DLG1: variants seen among roughly 807,000 people sequenced by gnomAD.
DLG1 encodes discs large MAGUK scaffold protein 1.
DLG1 carries 42 observed loss-of-function variants against 123.4 expected under a neutral mutation model. The observed-to-expected ratio is 0.34, with a 90% CI of 0.27 to 0.44. The LOEUF is 0.44. DLG1 is among the 20% of genes least tolerant of loss of function. DLG1 has a pLI of 1.00. For missense variants in DLG1, 942 were observed against 1,082.6 expected (o/e 0.87, Z 1.82); for synonymous variants, 317 against 356.2 (o/e 0.89, Z 1.24).
chr3:197,296,782 T>G, intron 2 of DLG1: 1 of 328,788 alleles, frequency 3.0e-6, no homozygotes, highest in Non-Finnish European at 5.4e-6. Flanking sequence ...CAGTTTCAGA[T>G]TACCTGATAA....
In DLG1 at chr3:197,044,594, G is replaced by A. The variant is rs1341723300; in HGVS notation, c.*29C>T. 2 of 1,496,128 alleles carry A rather than the reference G, an allele frequency of 1.3e-6. No individual in the cohort carries two copies. Among genetic ancestry groups the A allele is most frequent in the Non-Finnish European group, 1.9e-6 (2 of 1,078,710 alleles). The allele number at this position is 1,496,128 out of a possible 1,614,324, so 92.7% of individuals were successfully genotyped here. A position where few individuals can be genotyped will look rare whatever the true frequency, so the allele number is the denominator to read the frequency against. On this transcript the variant is annotated 3_prime_UTR_variant, in exon 25 of 25. Coordinates refer to ENST00000667157, the MANE Select transcript of DLG1 (RefSeq NM_001366207.1). ...GAGATGCCAAAGAAAATGGAATTGTGGAAAAGAGAAACAGAGAAACATGAG... is the reference window on the plus strand; with the variant it reads ...GAGATGCCAAAGAAAATGGAATTGTAGAAAAGAGAAACAGAGAAACATGAG...
At chr3:197,177,376 A>G (rs1807689247) in intron 5 of DLG1, among the ~76,000 whole-genome samples, 1 of 152,180 alleles carries the variant, frequency 6.6e-6, no homozygotes, top group South Asian at 2.1e-4. Flanking sequence ...GTTTAAGAAG[A>G]TTGTCTACCT....
intron 5 of DLG1, among the ~76,000 whole-genome samples, chr3:197,189,978 A>C (rs1718394854): frequency 6.6e-6 from 1 of 152,220 alleles, no homozygotes; most frequent in Non-Finnish European, 1.5e-5. Flanking sequence ...CCTCTATAAA[A>C]TATTTCTTTA....
chr3:197,076,284 G>C (rs954020308), intron 18 of DLG1, among the ~76,000 whole-genome samples: 2 of 152,108 alleles, frequency 1.3e-5, no homozygotes, highest in Non-Finnish European at 2.9e-5. Context: ...AATATTCTTT[G>C]AATGTATGAA....
At chr3:197,208,255 C>T (rs1325203743) in intron 4 of DLG1, among the ~76,000 whole-genome samples, 4 of 146,612 alleles carry the variant, frequency 2.7e-5, no homozygotes, top group African/African-American at 9.7e-5. Context: ...TGATAACATA[C>T]TATATACTGA....
chr3:197,248,151 C>T (rs1463874765), intron 4 of DLG1, among the ~76,000 whole-genome samples: 1 of 152,202 alleles, frequency 6.6e-6, no homozygotes, highest in Non-Finnish European at 1.5e-5. Context: ...TACTTTACCA[C>T]CCCTGCGGCT....
Position 197,196,837 on chromosome 3 carries a change from CTATG to C in DLG1, c.319-2252_319-2249del, listed in dbSNP as rs562482680. On this transcript the variant is annotated intron_variant, in intron 4 of 24. Transcript: ENST00000667157. ...CATGACATGTATTTTCTACATAAAA[CTATG>C]TATGTACATAAATATATTTAAAATT... Among the ~76,000 whole-genome samples, 190 of 152,182 alleles carry C rather than the reference CTATG, an allele frequency of 1.2e-3. 1 individual carries two copies. The highest frequency in any genetic ancestry group is 1.4e-3 in the Non-Finnish European group (97 of 67,994).
chr3:197,253,795 GGT>G (rs1755574046), intron 4 of DLG1, among the ~76,000 whole-genome samples: 1 of 152,022 alleles, frequency 6.6e-6, no homozygotes, highest in Non-Finnish European at 1.5e-5. Flanking sequence ...TCAATATCCT[GGT>G]TAGTGATACT....
chr3:197,209,529 A>T (rs1225673975), intron 4 of DLG1, among the ~76,000 whole-genome samples: 1 of 146,682 alleles, frequency 6.8e-6, no homozygotes, highest in Non-Finnish European at 1.5e-5. Flanking sequence ...TGACCTAATT[A>T]ACATTTATGA....
At chr3:197,148,463 A>G (rs1792239303) in intron 6 of DLG1, among the ~76,000 whole-genome samples, 3 of 151,490 alleles carry the variant, frequency 2.0e-5, no homozygotes, top group African/African-American at 4.8e-5. Flanking sequence ...GAATTTAACA[A>G]AAGAACTCCA....
intron 15 of DLG1, among the ~76,000 whole-genome samples, chr3:197,090,086 A>AT (rs1385154258): frequency 6.6e-6 from 1 of 152,218 alleles, no homozygotes; most frequent in Non-Finnish European, 1.5e-5. Flanking sequence ...TATATGTAAC[A>AT]TATCTCTCTC....
intron 5 of DLG1, among the ~76,000 whole-genome samples, chr3:197,157,277 C>T (rs952172773): frequency 6.6e-6 from 1 of 152,154 alleles, no homozygotes; most frequent in African/African-American, 2.4e-5. Flanking sequence ...ATGTAAAACA[C>T]CCTAAAGATT....
chr3:197,154,661 C>T (rs1795535829), intron 5 of DLG1, among the ~76,000 whole-genome samples: 1 of 151,606 alleles, frequency 6.6e-6, no homozygotes, highest in African/African-American at 2.4e-5. Flanking sequence ...GGTGACAGAG[C>T]CAGACTCTGT....
chr3:197,049,933 C>T (rs955138359), intron 24 of DLG1, among the ~76,000 whole-genome samples: 9 of 151,926 alleles, frequency 5.9e-5, no homozygotes, highest in African/African-American at 2.2e-4. Flanking sequence ...TGGTGTTGCA[C>T]GCCTGTAGTC....
chr3:197,153,550 C>G (rs942694680), intron 5 of DLG1, among the ~76,000 whole-genome samples: 2 of 152,206 alleles, frequency 1.3e-5, no homozygotes, highest in Admixed American at 6.5e-5. Flanking sequence ...AAGGTGCAAA[C>G]AGGCCCTGGA....
chr3:197,186,100 T>C (rs185572147), intron 5 of DLG1, among the ~76,000 whole-genome samples: 131 of 152,324 alleles, frequency 8.6e-4, no homozygotes, highest in Middle Eastern at 3.4e-3. Context: ...GACTTCTTTA[T>C]GAAAATGTCC....
At chr3:197,251,243 A>T (rs957752640) in intron 4 of DLG1, among the ~76,000 whole-genome samples, 10 of 151,956 alleles carry the variant, frequency 6.6e-5, no homozygotes, top group South Asian at 6.2e-4. Flanking sequence ...TAAAATACAG[A>T]CTCTAGGCAA....
chr3:197,074,971 TAGAA>T (rs775003712), intron 18 of DLG1, among the ~76,000 whole-genome samples: 24 of 152,154 alleles, frequency 1.6e-4, no homozygotes, highest in Non-Finnish European at 2.5e-4. Context: ...ATAATCTAAA[TAGAA>T]AGAACCATTT....
At chr3:197,142,579 A>G in intron 7 of DLG1, 139 bp downstream of exon 7, 1 of 505,856 alleles carries the variant, frequency 2.0e-6, no homozygotes, top group Non-Finnish European at 3.3e-6. Flanking sequence ...TTTTGAAAAT[A>G]CCTTGGCCAA....
Sources: gnomAD v4.1 joint callset for allele counts (sites outside exome capture counted in the v4.1 genomes callset) on GRCh38, gnomAD v4.1.1 for gene constraint, MANE v1.5 for transcripts, NCBI Gene and HGNC (gene_info 2026-07-23, HGNC 2026-07-21) for gene names.